Variants in ASB7 observed in about 807,000 individuals in gnomAD.
The protein encoded by ASB7 is ankyrin repeat and SOCS box containing 7, also known as ankyrin repeat and SOCS box protein 7.
In ASB7, 4 loss-of-function variants were observed where a neutral mutation model predicts 32.5. That is an observed-to-expected ratio of 0.12 (90% CI 0.06 to 0.28). ASB7 has a LOEUF of 0.28. Ranked by LOEUF, ASB7 falls within the 10% of genes least tolerant of loss-of-function variation. The pLI is 1.00. For missense variants in ASB7, 181 were observed against 407.1 expected, an observed-to-expected ratio of 0.44 and a Z score of 4.78; for synonymous variants, 172 against 155.6, an observed-to-expected ratio of 1.11 and a Z score of -0.78.
At chr15:100,612,499 T>G in intron 4 of ASB7, 72 bp downstream of exon 4, 2 of 1,377,254 alleles carry the variant, frequency 1.5e-6, no homozygotes, top group Admixed American at 3.4e-5. Context: ...AATGTGTCTA[T>G]TTGTAATTTT....
chr15:100,628,433 TC>T (rs1414512717), intron 4 of ASB7, among the ~76,000 whole-genome samples: 1 of 152,218 alleles, frequency 6.6e-6, no homozygotes, highest in Non-Finnish European at 1.5e-5. Context: ...ATGATTTTTT[TC>T]TTTTATTAAC....
At chr15:100,640,321 T>C (rs1273918618) in intron 5 of ASB7, among the ~76,000 whole-genome samples, 1 of 152,062 alleles carries the variant, frequency 6.6e-6, no homozygotes, top group East Asian at 1.9e-4. Flanking sequence ...ATTTTTGTAT[T>C]TTTAGTAGAG....
Position 100,602,669 on chromosome 15 carries a change from C to G in ASB7, c.-650C>G, listed in dbSNP as rs1234629216. ...CCCGAAAGCCCCCTGTCCGGAGACC[C>G]CACGGCTGGCACTTCGGGCCCCGTA... is the stretch of plus-strand genomic sequence containing the variant. On this transcript the variant is annotated 5_prime_UTR_variant, in exon 1 of 6. Coordinates refer to ENST00000332783, the MANE Select transcript of ASB7 (RefSeq NM_198243.3). The G allele has an allele frequency of 6.9e-6, 2 of 291,810 alleles. No individual in the cohort carries two copies. Among genetic ancestry groups the G allele is most frequent in the African/African-American group, 4.4e-5 (2 of 45,676 alleles). 18.1% of individuals were successfully genotyped at this position (291,810 alleles called of 1,614,324 possible). A position where few individuals can be genotyped will look rare whatever the true frequency, so the allele number is the denominator to read the frequency against.
chr15:100,633,286 G>A (rs1216902687), intron 5 of ASB7, among the ~76,000 whole-genome samples: 1 of 152,022 alleles, frequency 6.6e-6, no homozygotes, highest in Non-Finnish European at 1.5e-5. Context: ...AAGTAGAAAT[G>A]GTAGTGACGG....
intron 4 of ASB7, among the ~76,000 whole-genome samples, chr15:100,615,658 G>A (rs563769077): frequency 6.6e-6 from 1 of 152,208 alleles, no homozygotes; most frequent in South Asian, 2.1e-4. Context: ...TTCTTCTAGA[G>A]GCCATCTCTT....
At chr15:100,618,334 C>T (rs1369332445) in intron 4 of ASB7, among the ~76,000 whole-genome samples, 1 of 151,872 alleles carries the variant, frequency 6.6e-6, no homozygotes, top group African/African-American at 2.4e-5. Context: ...AGGCTGGTCC[C>T]GAACTCCTGA....
intron 5 of ASB7, among the ~76,000 whole-genome samples, chr15:100,631,424 C>G (rs959114642): frequency 6.6e-6 from 1 of 152,170 alleles, no homozygotes; most frequent in African/African-American, 2.4e-5. Flanking sequence ...GGTGGGTGTT[C>G]CATTGCAGAA....
chr15:100,607,800 A>G (rs1350261101), intron 2 of ASB7, among the ~76,000 whole-genome samples: 2 of 152,230 alleles, frequency 1.3e-5, no homozygotes, highest in African/African-American at 2.4e-5. Context: ...AGGAGCTCAT[A>G]TGGAATTAGC....
At chr15:100,643,627 T>C (rs1015949565) in intron 5 of ASB7, among the ~76,000 whole-genome samples, 3 of 151,496 alleles carry the variant, frequency 2.0e-5, no homozygotes, top group Non-Finnish European at 4.4e-5. Flanking sequence ...GTAGCTGGGA[T>C]TACAGGTGCC....
rs551558837 is a variant in ASB7, at chr15:100,647,980, T to C, written c.818-343T>C. ...GTCAGGACGAGAACCAGAATTTTCC[T>C]GATTTATAACAGAAAGGATATGAGG... is the stretch of plus-strand genomic sequence containing the variant. On this transcript the variant is annotated intron_variant, in intron 5 of 5. Transcript: ENST00000332783. Among the ~76,000 whole-genome samples the C allele has an allele frequency of 2.2e-3, 330 of 152,342 alleles. 2 individuals carry two copies. The highest frequency in any genetic ancestry group is 1.5e-3 in the Non-Finnish European group (100 of 68,028).
chr15:100,626,826 A>T (rs375857114), intron 4 of ASB7, among the ~76,000 whole-genome samples: 4 of 152,230 alleles, frequency 2.6e-5, no homozygotes, highest in African/African-American at 9.6e-5. Context: ...CGGAAACATC[A>T]TGCAAAGTGA....
chr15:100,646,819 C>T (rs772364284), intron 5 of ASB7, among the ~76,000 whole-genome samples: 3 of 152,186 alleles, frequency 2.0e-5, no homozygotes, highest in African/African-American at 7.2e-5. Flanking sequence ...TGGGTCTCCT[C>T]CTGATTTTCA....
At position 100,650,122 on chromosome 15, in the gene ASB7, C is replaced by T. The variant is rs1039894623; in HGVS notation, c.*1660C>T. 3 of 152,242 alleles carry T rather than the reference C, an allele frequency of 2.0e-5. No homozygotes were observed. Among genetic ancestry groups the T allele is most frequent in the African/African-American group, 7.2e-5 (3 of 41,430 alleles). 9.4% of individuals were successfully genotyped at this position (152,242 alleles called of 1,614,324 possible). On this transcript the variant is annotated 3_prime_UTR_variant, in exon 6 of 6. Transcript: ENST00000332783. Reference sequence around the variant, plus strand: ...GGCAGCTTCAGAGAAGAGGATTATTCGGGAGATTGCTGGTGTGGCCCATAG... The same window carrying T: ...GGCAGCTTCAGAGAAGAGGATTATTTGGGAGATTGCTGGTGTGGCCCATAG...
chr15:100,638,734 T>C (rs2141405121), intron 5 of ASB7, among the ~76,000 whole-genome samples: 1 of 152,212 alleles, frequency 6.6e-6, no homozygotes, highest in East Asian at 1.9e-4. Flanking sequence ...GCAGGTTTGT[T>C]ACATAGGTAT....
intron 5 of ASB7, among the ~76,000 whole-genome samples, chr15:100,639,973 A>G (rs920736460): frequency 6.6e-6 from 1 of 152,194 alleles, no homozygotes; most frequent in East Asian, 1.9e-4. Flanking sequence ...TGTTGTATAC[A>G]TTGGGATTCT....
chr15:100,604,573 T>A (rs2039623124), intron 2 of ASB7, among the ~76,000 whole-genome samples: 1 of 152,198 alleles, frequency 6.6e-6, no homozygotes, highest in African/African-American at 2.4e-5. Flanking sequence ...TCTTAAGACA[T>A]AGCTAAAGAG....
At chr15:100,609,446 G>A (rs909148431) in intron 2 of ASB7, 1 of 152,160 alleles carries the variant, frequency 6.6e-6, no homozygotes, top group South Asian at 2.1e-4. Context: ...TTCCAAATAT[G>A]TGATTTATTA....
chr15:100,623,226 C>T (rs2039808831), intron 4 of ASB7, among the ~76,000 whole-genome samples: 2 of 152,068 alleles, frequency 1.3e-5, no homozygotes, highest in South Asian at 4.2e-4. Flanking sequence ...TGGTAAAACC[C>T]CATCTCTACT....
chr15:100,631,143 C>T (rs904997757), intron 5 of ASB7, among the ~76,000 whole-genome samples: 4 of 152,036 alleles, frequency 2.6e-5, no homozygotes, highest in African/African-American at 4.8e-5. Flanking sequence ...CAGACTAAAG[C>T]GTAAGAAAAA....
Sources: allele counts gnomAD v4.1 joint callset (sites outside exome capture counted in the v4.1 genomes callset), GRCh38; gene constraint gnomAD v4.1.1; transcripts MANE v1.5; gene names NCBI Gene and HGNC (gene_info 2026-07-23, HGNC 2026-07-21).